Variants in KIAA0586 observed in about 807,000 individuals in gnomAD.
KIAA0586 encodes the protein KIAA0586, also known as protein TALPID3.
A neutral mutation model predicts 169.8 loss-of-function variants in KIAA0586; 144 were observed. The observed-to-expected ratio is 0.85, with a 90% CI of 0.74 to 0.97. The LOEUF (loss-of-function observed/expected upper bound fraction) is 0.97. KIAA0586 is among the 50% of genes least tolerant of loss of function. The pLI, the probability that KIAA0586 is intolerant of heterozygous loss-of-function variation, is 0.00. For synonymous variants in KIAA0586, 625 were observed against 612.4 expected (o/e 1.02, Z -0.30); for missense variants, 1,854 against 1,823.0 (o/e 1.02, Z -0.31).
rs1329012009 is a variant in KIAA0586, at chr14:58,458,481, CAG to C, written c.1596_1597del (p.Lys533AsnfsTer2). On this transcript the variant is annotated frameshift_variant, in exon 12 of 31. Transcript: ENST00000652326. LOFTEE classifies it high-confidence loss of function. ...CTTTTTCTCTTTTATAGAGAGATGT[CAG>C]AGAAAATTAGGATCAGAAAGACAGT... 2.6e-6 allele frequency: 4 copies of C among 1,525,856 alleles called. No homozygotes were observed. Among genetic ancestry groups the C allele is most frequent in the East Asian group, 4.9e-5 (2 of 41,088 alleles). The allele number at this position is 1,525,856 out of a possible 1,614,324, so 94.5% of individuals were successfully genotyped here.
At chr14:58,467,700 A>G (rs751701925) in intron 15 of KIAA0586, 35 bp from the exon 16 acceptor site, 5 of 1,478,734 alleles carry the variant, frequency 3.4e-6, no homozygotes, top group Non-Finnish European at 3.7e-6. Flanking sequence ...TTTTTTCTGA[A>G]CTAGTTGACT....
chr14:58,512,436 T>G, intron 28 of KIAA0586, 86 bp from the exon 29 acceptor site: 1 of 721,126 alleles, frequency 1.4e-6, no homozygotes, highest in African/African-American at 1.9e-5. Context: ...TATTAAAATT[T>G]TATAAACACT....
At chr14:58,462,597 T>G (rs1233934312) in intron 14 of KIAA0586, among the ~76,000 whole-genome samples, 2 of 152,156 alleles carry the variant, frequency 1.3e-5, no homozygotes, top group Non-Finnish European at 2.9e-5. Flanking sequence ...TTTGAAAGTC[T>G]TTGCAAAAAA....
At chr14:58,542,493 C>T (rs1433522294) in intron 30 of KIAA0586, among the ~76,000 whole-genome samples, 2 of 151,682 alleles carry the variant, frequency 1.3e-5, no homozygotes, top group Non-Finnish European at 2.9e-5. Context: ...AAAAAAAATT[C>T]CCAAAATATA....
chr14:58,499,029 C>A, intron 27 of KIAA0586, 69 bp downstream of exon 27: 2 of 1,361,370 alleles, frequency 1.5e-6, no homozygotes, highest in African/African-American at 1.5e-5. Context: ...GGAAAGTATA[C>A]CTATTTTCAG....
At chr14:58,526,334 C>T (rs1399070229) in intron 29 of KIAA0586, among the ~76,000 whole-genome samples, 2 of 152,252 alleles carry the variant, frequency 1.3e-5, no homozygotes, top group South Asian at 2.1e-4. Context: ...GGTGGGTGCC[C>T]CTCTGGGACA....
chr14:58,544,021 C>T (rs1465997482), intron 30 of KIAA0586: 3 of 430,170 alleles, frequency 7.0e-6, no homozygotes, highest in Admixed American at 5.2e-5. Flanking sequence ...CTTCCTCTCA[C>T]CCTCCAGTCT....
intron 30 of KIAA0586, among the ~76,000 whole-genome samples, chr14:58,541,512 A>G (rs2046633436): frequency 6.6e-6 from 1 of 152,216 alleles, no homozygotes; most frequent in Non-Finnish European, 1.5e-5. Flanking sequence ...AAGTGCTGCA[A>G]TCAGAATAAG....
In KIAA0586 at chr14:58,457,683, C is replaced by T. The variant is rs2039984633; in HGVS notation, c.1363-76C>T. On this transcript the variant is annotated intron_variant, in intron 10 of 30. Transcript: ENST00000652326. The stretch of plus-strand genomic sequence containing the variant: ...ATATTGGTATAATGTATGGCCTCAA[C>T]AATAGTGATAGCTGTTATTTTGATT... 3.3e-6 allele frequency: 3 copies of T among 913,364 alleles called. No individual in the cohort carries two copies. The South Asian group carries it at 5.2e-5, about 16-fold the overall frequency. The allele number at this position is 913,364 out of a possible 1,614,324, so 56.6% of individuals were successfully genotyped here.
chr14:58,514,912 A>G (rs945222429), intron 29 of KIAA0586, among the ~76,000 whole-genome samples: 1 of 152,102 alleles, frequency 6.6e-6, no homozygotes, highest in Non-Finnish European at 1.5e-5. Flanking sequence ...CTTTTGCTGT[A>G]CAAATTAACT....
intron 19 of KIAA0586, among the ~76,000 whole-genome samples, chr14:58,475,325 A>G (rs1258643863): frequency 2.6e-5 from 4 of 152,110 alleles, no homozygotes; most frequent in African/African-American, 9.7e-5. Context: ...TCCCTATGAG[A>G]ATCTAATGCT....
intron 29 of KIAA0586, among the ~76,000 whole-genome samples, chr14:58,528,531 G>C (rs946510706): frequency 5.3e-5 from 8 of 152,176 alleles, no homozygotes; most frequent in Admixed American, 2.6e-4. Context: ...AATCAAACTA[G>C]AACTCAGGAT....
At position 58,441,211 on chromosome 14, in the gene KIAA0586, TCTG is replaced by T. The variant is rs1595102026; in HGVS notation, c.411-1494_411-1492del. The T allele has an allele frequency of 3.6e-5, 6 of 166,356 alleles. No individual in the cohort carries two copies. The highest frequency in any genetic ancestry group is 6.1e-5 in the Non-Finnish European group (5 of 82,032). The allele number at this position is 166,356 out of a possible 1,614,324, so 10.3% of individuals were successfully genotyped here. Reference sequence around the variant, plus strand: ...AATTCTTTTTTTTTTTTTTTTTTTTTCTGGGACAGTGTCTCACTTTGTCTCACA... The same window carrying T: ...AATTCTTTTTTTTTTTTTTTTTTTTTGGACAGTGTCTCACTTTGTCTCACA... On this transcript the variant is annotated intron_variant, in intron 4 of 30. Coordinates refer to ENST00000652326, the MANE Select transcript of KIAA0586 (RefSeq NM_001329943.3).
In KIAA0586 at chr14:58,446,395, G is replaced by A. The variant is rs2038903376; in HGVS notation, c.808-1945G>A. Among the ~76,000 whole-genome samples, 5 of 151,856 alleles carry A rather than the reference G, an allele frequency of 3.3e-5. No individual in the cohort carries two copies. The South Asian group carries it at 1.0e-3, about 32-fold the overall frequency. On this transcript the variant is annotated intron_variant, in intron 6 of 30. Coordinates refer to ENST00000652326, the MANE Select transcript of KIAA0586 (RefSeq NM_001329943.3). ...GCCTGTAGTCCCAGCTACTCAGGAG[G>A]CTGAGGCAGGGGAATCACTTGAATC...
chr14:58,458,500 A>G lies in KIAA0586; in HGVS notation c.1611A>G (p.Arg537=). 2 of 1,547,104 alleles carry G rather than the reference A, an allele frequency of 1.3e-6. No homozygotes were observed. Among genetic ancestry groups the G allele is most frequent in the Admixed American group, 2.0e-5 (1 of 50,776 alleles). ...AGATGTCAGAGAAAATTAGGATCAG[A>G]AAGACAGTGGATGAATGGATTAAAA... The part of the protein sequence containing the change: ...NREMSEKIRI[R]KTVDEWIKTI... The change falls in exon 12 of 31, where the codon AGA becomes AGG. Residue 537 remains arginine (R), a synonymous_variant. Coordinates refer to ENST00000652326, the MANE Select transcript of KIAA0586 (RefSeq NM_001329943.3).
At chr14:58,485,814 C>T (rs1595332722) in intron 21 of KIAA0586, among the ~76,000 whole-genome samples, 1 of 152,258 alleles carries the variant, frequency 6.6e-6, no homozygotes. Context: ...CCTTCCATTA[C>T]TTTTTATATA....
At chr14:58,545,399 T>C (rs369259151) in intron 30 of KIAA0586, among the ~76,000 whole-genome samples, 108 of 152,334 alleles carry the variant, frequency 7.1e-4, no homozygotes, top group African/African-American at 2.5e-3. Flanking sequence ...TGTAATTTTA[T>C]GCACAAAGTA....
At chr14:58,483,994 G>T (rs2042206796) in intron 21 of KIAA0586, among the ~76,000 whole-genome samples, 2 of 152,098 alleles carry the variant, frequency 1.3e-5, no homozygotes, top group Admixed American at 6.6e-5. Context: ...TGTGGTCAGG[G>T]TTATGGTTTT....
At chr14:58,444,709 C>T (rs143771098) in intron 6 of KIAA0586, among the ~76,000 whole-genome samples, 1 of 152,174 alleles carries the variant, frequency 6.6e-6, no homozygotes. Context: ...CCTGCGTGAG[C>T]TGCCATGCCC....
Sources: allele counts gnomAD v4.1 joint callset (sites outside exome capture counted in the v4.1 genomes callset), GRCh38; gene constraint gnomAD v4.1.1; transcripts MANE v1.5; gene names NCBI Gene and HGNC (gene_info 2026-07-23, HGNC 2026-07-21).